The following FARP1 variants were observed in gnomAD, a reference collection of about 807,000 sequenced individuals.
FARP1 encodes FERM, ARH/RhoGEF and pleckstrin domain protein 1.
In FARP1, 52 loss-of-function variants were observed where a neutral mutation model predicts 128.8. The ratio of observed to expected loss-of-function variants is 0.40; its 90% CI spans 0.32 to 0.51. The LOEUF is 0.51. Ranked by LOEUF, FARP1 falls within the 20% of genes least tolerant of loss-of-function variation. The pLI is 0.45. For synonymous variants in FARP1, 580 were observed against 551.8 expected, an observed-to-expected ratio of 1.05 and a Z score of -0.72; for missense variants, 1,333 against 1,367.9, an observed-to-expected ratio of 0.97 and a Z score of 0.40.
intron 1 of FARP1, among the ~76,000 whole-genome samples, chr13:98,166,630 G>A (rs1877280088): frequency 6.6e-6 from 1 of 152,048 alleles, no homozygotes; most frequent in Admixed American, 6.6e-5. Context: ...CTTAATCACT[G>A]TGTTGAGGCT....
At chr13:98,172,804 G>C (rs1877745356) in intron 1 of FARP1, among the ~76,000 whole-genome samples, 1 of 152,162 alleles carries the variant, frequency 6.6e-6, no homozygotes. Context: ...GTGCAAATCA[G>C]TGGGGGTGGG....
intron 13 of FARP1, chr13:98,403,883 T>G (rs1250092799): frequency 6.6e-6 from 1 of 152,418 alleles, no homozygotes; most frequent in African/African-American, 2.4e-5. Flanking sequence ...TATCATGCTG[T>G]AAAAACTGTC....
rs563933847 is a variant in FARP1, at chr13:98,389,687, C to CA, written c.856-264dup. The CA allele has an allele frequency of 1.1e-4, 37 of 351,694 alleles. No homozygotes were observed. In the East Asian group the frequency reaches 1.1e-3, roughly 10 times the overall value. The allele number at this position is 351,694 out of a possible 1,614,324, so 21.8% of individuals were successfully genotyped here. On this transcript the variant is annotated intron_variant, in intron 9 of 26. Transcript: ENST00000319562. ...AACATAATTTGTATATGAAATCTGT[C>CA]AAAAAATGGTGTCACTTCCATTGAA...
At chr13:98,328,867 ACTC>A (rs1284755686) in intron 2 of FARP1, 4 of 152,188 alleles carry the variant, frequency 2.6e-5, no homozygotes, top group African/African-American at 9.7e-5. Flanking sequence ...TTTCCTCACT[ACTC>A]AGAACAGCGG....
intron 1 of FARP1, among the ~76,000 whole-genome samples, chr13:98,190,739 T>A (rs1421664860): frequency 1.3e-5 from 2 of 151,350 alleles, no homozygotes; most frequent in Non-Finnish European, 3.0e-5. Context: ...TTAAGTTTTT[T>A]TTTTTTTTTT....
intron 1 of FARP1, chr13:98,177,039 G>C (rs1448068786): frequency 1.3e-6 from 2 of 1,594,176 alleles, no homozygotes; most frequent in Non-Finnish European, 1.7e-6. Flanking sequence ...GGAGGCCCCG[G>C]GGCCTCGGTG....
intron 18 of FARP1, chr13:98,433,136 G>GGCTGCGACAGAAAGCA (rs1892110832): frequency 6.6e-6 from 1 of 152,252 alleles, no homozygotes; most frequent in Non-Finnish European, 1.5e-5. Flanking sequence ...CACAAAGTGA[G>GGCTGCGACAGAAAGCA]GCTGCGACAG....
chr13:98,309,335 T>A lies in FARP1; in HGVS notation c.172-34427T>A, dbSNP rs1886344243. 2.0e-5 allele frequency among the ~76,000 whole-genome samples: 3 copies of A among 150,396 alleles called. No individual in the cohort carries two copies. In the South Asian group the frequency reaches 6.4e-4, roughly 32 times the overall value. On this transcript the variant is annotated intron_variant, in intron 2 of 26. Coordinates refer to ENST00000319562, the MANE Select transcript of FARP1 (RefSeq NM_005766.4). The stretch of plus-strand genomic sequence containing the variant: ...GCGCCCACCATCACGCCCGGCTATT[T>A]TTTTTTTGTATTTTTAGTAGAGACG...
At chr13:98,360,646 C>T (rs1022928677) in intron 3 of FARP1, among the ~76,000 whole-genome samples, 3 of 152,198 alleles carry the variant, frequency 2.0e-5, no homozygotes, top group African/African-American at 4.8e-5. Context: ...TGTGGTACTT[C>T]GTTATGGCAG....
chr13:98,207,402 G>A (rs1880335694), intron 1 of FARP1, among the ~76,000 whole-genome samples: 1 of 152,156 alleles, frequency 6.6e-6, no homozygotes, highest in South Asian at 2.1e-4. Context: ...GCAAGAGGGA[G>A]AGAAAGGATT....
At chr13:98,182,725 G>A (rs1347644732) in intron 1 of FARP1, among the ~76,000 whole-genome samples, 1 of 152,194 alleles carries the variant, frequency 6.6e-6, no homozygotes, top group Non-Finnish European at 1.5e-5. Flanking sequence ...TATATTTGAA[G>A]GACAATTTGG....
chr13:98,143,933 C>T (rs1204565133), intron 1 of FARP1, among the ~76,000 whole-genome samples: 1 of 151,830 alleles, frequency 6.6e-6, no homozygotes, highest in Non-Finnish European at 1.5e-5. Context: ...GCCGCTGGCG[C>T]GGATGCCGCC....
intron 2 of FARP1, among the ~76,000 whole-genome samples, chr13:98,214,535 G>A (rs968594195): frequency 6.6e-6 from 1 of 152,006 alleles, no homozygotes; most frequent in African/African-American, 2.4e-5. Context: ...TTTAGTAGTC[G>A]GCATTAACGT....
intron 2 of FARP1, among the ~76,000 whole-genome samples, chr13:98,278,705 A>G (rs1884786620): frequency 1.3e-5 from 2 of 152,158 alleles, no homozygotes; most frequent in African/African-American, 4.8e-5. Flanking sequence ...CTACATTTCT[A>G]CCTTGTGGTT....
At chr13:98,389,849 CA>C in intron 9 of FARP1, 107 bp from the exon 10 acceptor site, 1 of 1,062,152 alleles carries the variant, frequency 9.4e-7, no homozygotes, top group Non-Finnish European at 1.4e-6. Context: ...TAATAAAATA[CA>C]CAGCGAAAAC....
intron 12 of FARP1, 45 bp downstream of exon 12, chr13:98,393,763 C>A: frequency 6.9e-7 from 1 of 1,447,324 alleles, no homozygotes; most frequent in Non-Finnish European, 9.7e-7. Context: ...TTTCCCCACA[C>A]TTCCTCCACG....
Position 98,453,703 on chromosome 13 carries a change from T to A in FARP1, c.*5386T>A, listed in dbSNP as rs1893313605. ...TCTGCACAAAGATGTCTCTCGGGAT[T>A]TTCGTAATTACACTAATTTGGAAAC... On this transcript the variant is annotated 3_prime_UTR_variant, in exon 27 of 27. Transcript: ENST00000319562. 1 of 153,304 alleles carries A rather than the reference T, an allele frequency of 6.5e-6. No homozygotes were observed. The highest frequency in any genetic ancestry group is 2.4e-5 in the African/African-American group (1 of 41,456). 9.5% of individuals were successfully genotyped at this position (153,304 alleles called of 1,614,324 possible).
intron 24 of FARP1, among the ~76,000 whole-genome samples, chr13:98,442,062 C>T (rs564002611): frequency 2.0e-5 from 3 of 152,328 alleles, no homozygotes; most frequent in African/African-American, 4.8e-5. Context: ...TGAGCTGGGG[C>T]GAGGCCATTC....
intron 19 of FARP1, 72 bp from the exon 20 acceptor site, chr13:98,438,732 G>T (rs748004989): frequency 5.2e-5 from 65 of 1,255,904 alleles, no homozygotes; most frequent in Middle Eastern, 2.7e-4. Context: ...AGCCCTCGGG[G>T]TCTGCACACT....
Sources: allele counts gnomAD v4.1 joint callset (sites outside exome capture counted in the v4.1 genomes callset), GRCh38; gene constraint gnomAD v4.1.1; transcripts MANE v1.5; gene names NCBI Gene and HGNC (gene_info 2026-07-23, HGNC 2026-07-21).